TCF20: variants seen among roughly 807,000 people sequenced by gnomAD.
TCF20 encodes SPRE-binding protein.
Under a neutral mutation model 148.6 loss-of-function variants are expected in TCF20, and 3 were observed. The ratio of observed to expected loss-of-function variants is 0.02; its 90% CI spans 0.01 to 0.05. TCF20 has a LOEUF of 0.05. Among genes scored for constraint, TCF20 ranks in the 10% least tolerant of loss-of-function variants. The pLI, the probability that TCF20 is intolerant of heterozygous loss-of-function variation, is 1.00. For missense variants in TCF20, 2,350 were observed against 2,429.3 expected, an observed-to-expected ratio of 0.97 and a Z score of 0.69; for synonymous variants, 1,049 against 909.5, an observed-to-expected ratio of 1.15 and a Z score of -2.76.
intron 1 of TCF20, among the ~76,000 whole-genome samples, chr22:42,296,888 A>T (rs1474250088): frequency 6.6e-6 from 1 of 152,200 alleles, no homozygotes; most frequent in Non-Finnish European, 1.5e-5. Context: ...CAAGTCAAAT[A>T]ACAGTAAAAA....
At chr22:42,170,626 CAAAAAA>C (rs58579686) in intron 3 of TCF20, among the ~76,000 whole-genome samples, 27 of 72,104 alleles carry the variant, frequency 3.7e-4, no homozygotes, top group African/African-American at 9.2e-4. Flanking sequence ...GACTCCGTCT[CAAAAAA>C]AAAAAAAAAA....
Position 42,311,695 on chromosome 22 carries a change from T to A in TCF20, c.-37+31784A>T, listed in dbSNP as rs891347289. Among the ~76,000 whole-genome samples the A allele has an allele frequency of 5.9e-5, 9 of 152,026 alleles. No individual in the cohort carries two copies. In the South Asian group the frequency reaches 1.0e-3, roughly 18 times the overall value. On this transcript the variant is annotated intron_variant, in intron 1 of 1. Coordinates refer to the TCF20 transcript ENST00000515426. The stretch of plus-strand genomic sequence containing the variant: ...AGTCCCCTCCCCTGCAAAACGGGGA[T>A]GAAAACATCCCAAGCCCAGGGCTGT...
At chr22:42,313,406 C>T (rs376189800) in intron 1 of TCF20, among the ~76,000 whole-genome samples, 40 of 152,156 alleles carry the variant, frequency 2.6e-4, no homozygotes, top group Non-Finnish European at 4.0e-4. Context: ...GAGCCCTGCC[C>T]GCTGCACTCT....
intron 1 of TCF20, among the ~76,000 whole-genome samples, chr22:42,264,465 TGA>T (rs998318754): frequency 6.6e-5 from 10 of 152,212 alleles, no homozygotes; most frequent in African/African-American, 2.4e-4. Context: ...TAAGCTCTTT[TGA>T]GCCAGGTCCC....
At chr22:42,198,578 T>C (rs916071286) in intron 2 of TCF20, among the ~76,000 whole-genome samples, 3 of 152,190 alleles carry the variant, frequency 2.0e-5, no homozygotes, top group Admixed American at 1.3e-4. Context: ...GCTAATGCTA[T>C]GCAAAGTTGT....
intron 1 of TCF20, among the ~76,000 whole-genome samples, chr22:42,229,388 C>T (rs1923195732): frequency 1.3e-5 from 2 of 152,252 alleles, no homozygotes; most frequent in South Asian, 4.2e-4. Flanking sequence ...GCAGGATATC[C>T]AGTCTGTAAC....
chr22:42,210,008 C>T lies in TCF20; in HGVS notation c.5298G>A (p.Glu1766=). ...ASNGSKTDTE[E]EEEQQQQQKE... The stretch of plus-strand genomic sequence containing the variant: ...TCTGCTGCTGCTGCTGCTCTTCCTC[C>T]TCCTCAGTGTCCGTCTTGGAGCCAT... The change falls in exon 2 of 6, where the codon GAG becomes GAA. Residue 1766 remains glutamate (E), a synonymous_variant. Coordinates refer to ENST00000677622, the MANE Select transcript of TCF20 (RefSeq NM_001378418.1). The surrounding 1 kb of genome is among the most constrained non-coding windows in gnomAD (Gnocchi z 4.7). The T allele has an allele frequency of 6.2e-7, 1 of 1,612,958 alleles. No homozygotes were observed. The highest frequency in any genetic ancestry group is 1.3e-5 in the African/African-American group (1 of 75,062).
intron 1 of TCF20, among the ~76,000 whole-genome samples, chr22:42,295,698 C>T (rs1256516639): frequency 6.6e-6 from 1 of 152,164 alleles, no homozygotes; most frequent in African/African-American, 2.4e-5. Context: ...CCTCAGCCTC[C>T]CAAAGTGTTG....
chr22:42,284,261 T>G (rs1466269382), upstream of TCF20, among the ~76,000 whole-genome samples: 2 of 152,208 alleles, frequency 1.3e-5, no homozygotes, highest in Admixed American at 6.5e-5. Context: ...ATAGGGGCGA[T>G]TATGTGTCTA....
intron 1 of TCF20, among the ~76,000 whole-genome samples, chr22:42,319,016 C>T (rs1927685315): frequency 6.6e-6 from 1 of 152,196 alleles, no homozygotes; most frequent in African/African-American, 2.4e-5. Context: ...CTGCTCTGTG[C>T]CACACCTTGT....
chr22:42,296,570 G>A (rs989460834), intron 1 of TCF20, among the ~76,000 whole-genome samples: 3 of 152,144 alleles, frequency 2.0e-5, no homozygotes, highest in Non-Finnish European at 4.4e-5. Context: ...CATTGGGCCC[G>A]GGATGCCAGC....
At chr22:42,188,995 GAGTA>G (rs1308410059) in intron 2 of TCF20, among the ~76,000 whole-genome samples, 2 of 152,132 alleles carry the variant, frequency 1.3e-5, no homozygotes, top group South Asian at 2.1e-4. Context: ...CATAAAGAGT[GAGTA>G]AGAGCTACCT....
intron 2 of TCF20, among the ~76,000 whole-genome samples, chr22:42,195,701 C>A (rs572605367): frequency 6.6e-6 from 1 of 152,060 alleles, no homozygotes; most frequent in South Asian, 2.1e-4. Flanking sequence ...GGTTTCCCCA[C>A]GTTGGCCAGG....
intron 1 of TCF20, among the ~76,000 whole-genome samples, chr22:42,311,283 G>C (rs1453071244): frequency 6.6e-6 from 1 of 152,258 alleles, no homozygotes; most frequent in Non-Finnish European, 1.5e-5. Context: ...TTCATCTCCT[G>C]GCACCAGGCC....
Position 42,327,122 on chromosome 22 carries a change from A to AG in TCF20, c.-37+16356dup, listed in dbSNP as rs1480659118. ...GGGGCTATATCCCAGCTTGGAGGGGAGGGGGCGGAGGCACTGGGTGCCCAC... is the reference window on the plus strand; with the variant it reads ...GGGGCTATATCCCAGCTTGGAGGGGAGGGGGGCGGAGGCACTGGGTGCCCAC... On this transcript the variant is annotated intron_variant, in intron 1 of 1. Transcript: ENST00000515426. 5.9e-5 allele frequency among the ~76,000 whole-genome samples: 9 copies of AG among 152,078 alleles called. No individual in the cohort carries two copies. The South Asian group carries it at 1.9e-3, about 32-fold the overall frequency.
rs569233656 is a variant in TCF20 at position 42,325,578 on chromosome 22, C to T, written c.-37+17901G>A. On this transcript the variant is annotated intron_variant, in intron 1 of 1. Coordinates refer to the TCF20 transcript ENST00000515426. ...ATGAGACTTCATTCAATTCTGGCCA[C>T]GTCTGTGTAGTGAGCCCTTCGGCCT... Among the ~76,000 whole-genome samples, 5 of 152,342 alleles carry T rather than the reference C, an allele frequency of 3.3e-5. No homozygotes were observed. The South Asian group carries it at 6.2e-4, about 19-fold the overall frequency.
chr22:42,329,807 C>T (rs891876974), intron 1 of TCF20, among the ~76,000 whole-genome samples: 3 of 152,128 alleles, frequency 2.0e-5, no homozygotes, highest in Non-Finnish European at 4.4e-5. Flanking sequence ...CACCGAGTCC[C>T]CTTCCTCCCC....
intron 2 of TCF20, 77 bp downstream of exon 2, chr22:42,209,574 G>T (rs1243922862): frequency 2.0e-6 from 3 of 1,482,982 alleles, no homozygotes; most frequent in Non-Finnish European, 9.1e-7. Context: ...CATGTGACAT[G>T]TAAGAACAAA....
chr22:42,330,484 A>G (rs1927954383), intron 1 of TCF20, among the ~76,000 whole-genome samples: 2 of 151,936 alleles, frequency 1.3e-5, no homozygotes, highest in Non-Finnish European at 2.9e-5. Flanking sequence ...CAGATGCTAT[A>G]TCCTCCAGGA....
Sources: gnomAD v4.1 joint callset for allele counts (sites outside exome capture counted in the v4.1 genomes callset) on GRCh38, gnomAD v4.1.1 for gene constraint, Gnocchi (gnomAD v3.1) non-coding constraint, MANE v1.5 for transcripts, NCBI Gene and HGNC (gene_info 2026-07-23, HGNC 2026-07-21) for gene names.